The following SLC16A1 variants were observed in gnomAD, a reference collection of about 807,000 sequenced individuals.
The protein encoded by SLC16A1 is solute carrier family 16 member 1, also known as monocarboxylate transporter 1.
SLC16A1 carries 11 observed loss-of-function variants against 32.2 expected under a neutral mutation model. That is an observed-to-expected ratio of 0.34 (90% CI 0.21 to 0.56). The LOEUF is 0.56. Among genes scored for constraint, SLC16A1 ranks in the 20% least tolerant of loss-of-function variants. SLC16A1 has a pLI of 0.87. For missense variants in SLC16A1, 435 were observed against 615.0 expected, an observed-to-expected ratio of 0.71 and a Z score of 3.10; for synonymous variants, 231 against 226.8, an observed-to-expected ratio of 1.02 and a Z score of -0.17.
At position 112,919,011 on chromosome 1, in the gene SLC16A1, T is replaced by TTTATTTA. The variant is rs374042504; in HGVS notation, c.362-968_362-967insTAAATAA. ...CTCCTGAAATGAATGTACTAATTTA[T>TTTATTTA]TTTATTTATTTATTTATTTATTTAT... On this transcript the variant is annotated intron_variant, in intron 3 of 4. Transcript: ENST00000369626. Among the ~76,000 whole-genome samples, 21 of 144,292 alleles carry TTTATTTA rather than the reference T, an allele frequency of 1.5e-4. No individual in the cohort carries two copies. The South Asian group carries it at 1.8e-3, about 12-fold the overall frequency. The allele number at this position is 144,292 out of a possible 152,430, so 94.7% of individuals were successfully genotyped here. A position where few individuals can be genotyped will look rare whatever the true frequency, so the allele number is the denominator to read the frequency against.
intron 1 of SLC16A1, among the ~76,000 whole-genome samples, chr1:112,932,003 C>T (rs563858103): frequency 1.3e-5 from 2 of 152,278 alleles, no homozygotes; most frequent in Admixed American, 6.5e-5. Context: ...ATAACACAAA[C>T]GCTTCTTCAT....
chr1:112,936,839 C>CA (rs1649325497), intron 1 of SLC16A1, among the ~76,000 whole-genome samples: 1 of 152,138 alleles, frequency 6.6e-6, no homozygotes, highest in Non-Finnish European at 1.5e-5. Flanking sequence ...ATAATTCCTT[C>CA]AAAAATATAA....
At chr1:112,914,271 T>TAA (rs1024935817) in intron 4 of SLC16A1, 106 bp from the exon 5 acceptor site, 1 of 1,198,692 alleles carries the variant, frequency 8.3e-7, no homozygotes, top group Admixed American at 1.9e-5. Context: ...ATCCAATCTT[T>TAA]AAAGAGTCCC....
chr1:112,945,817 A>T (rs574830657), intron 1 of SLC16A1, among the ~76,000 whole-genome samples: 1 of 151,146 alleles, frequency 6.6e-6, no homozygotes, highest in African/African-American at 2.4e-5. Context: ...ACATGGAGAA[A>T]CCCCATCTCT....
chr1:112,921,890 AG>A, intron 3 of SLC16A1, 99 bp downstream of exon 3: 2 of 1,400,456 alleles, frequency 1.4e-6, no homozygotes, highest in Non-Finnish European at 2.0e-6. Context: ...CATTTCTATA[AG>A]AAAAGAATTT....
rs1216979726 is a variant in SLC16A1 at position 112,912,381 on chromosome 1, AAAGTC to A, written c.*1505_*1509del. On this transcript the variant is annotated 3_prime_UTR_variant, in exon 5 of 5. Coordinates refer to ENST00000369626, the MANE Select transcript of SLC16A1 (RefSeq NM_003051.4). ...TTTTCTTAAAAAATGTTTATTTGGA[AAAGTC>A]AGCCTCTTACACAAGGTTTTGTATC... The A allele has an allele frequency of 6.6e-6, 1 of 152,236 alleles. No individual in the cohort carries two copies. The highest frequency in any genetic ancestry group is 2.4e-5 in the African/African-American group (1 of 41,464). 9.4% of individuals were successfully genotyped at this position (152,236 alleles called of 1,614,324 possible).
At chr1:112,943,617 G>A (rs1219684180) in intron 1 of SLC16A1, among the ~76,000 whole-genome samples, 3 of 149,126 alleles carry the variant, frequency 2.0e-5, no homozygotes, top group African/African-American at 4.9e-5. Flanking sequence ...GCAAAACCTC[G>A]TCTCTACTAA....
chr1:112,918,093 TAAATAAA>T (rs1440311142), intron 3 of SLC16A1, 49 bp from the exon 4 acceptor site: 11 of 1,064,602 alleles, frequency 1.0e-5, no homozygotes, highest in Non-Finnish European at 1.3e-5. Context: ...AATAAATAAA[TAAATAAA>T]TAATAAGAGG....
At chr1:112,933,953 T>C (rs1282500793) in intron 1 of SLC16A1, among the ~76,000 whole-genome samples, 1 of 152,086 alleles carries the variant, frequency 6.6e-6, no homozygotes, top group Non-Finnish European at 1.5e-5. Context: ...CCAATGTCCA[T>C]CAACAAATGA....
chr1:112,916,001 G>C (rs1648490071), intron 4 of SLC16A1, among the ~76,000 whole-genome samples: 1 of 152,128 alleles, frequency 6.6e-6, no homozygotes, highest in Non-Finnish European at 1.5e-5. Context: ...TTTTAGCCAA[G>C]TTATTTCACC....
At chr1:112,928,942 G>GA (rs1001630022) in intron 2 of SLC16A1, 150 bp downstream of exon 2, 77 of 648,068 alleles carry the variant, frequency 1.2e-4, no homozygotes, top group African/African-American at 1.2e-3. Flanking sequence ...TATCAGGAAT[G>GA]AAAAATGTGA....
chr1:112,948,126 A>G (rs1334271362), intron 1 of SLC16A1, among the ~76,000 whole-genome samples: 2 of 152,180 alleles, frequency 1.3e-5, no homozygotes, highest in African/African-American at 4.8e-5. Context: ...AGGCTAAGGC[A>G]AGAGAATCGC....
Position 112,918,014 on chromosome 1 carries a change from G to A in SLC16A1, c.392C>T (p.Ala131Val). The change falls in exon 4 of 5, where the codon GCT becomes GTT. Residue 131 changes from alanine (A) to valine (V), a missense_variant. Physicochemically the swap from Ala to Val is moderately conservative, Grantham distance 64. Coordinates refer to ENST00000369626, the MANE Select transcript of SLC16A1 (RefSeq NM_003051.4). Reference sequence around the variant, plus strand: ...GAAATACTTGCCAATCATGGTCAGAGCTGGATTCAAGTTGAAGGCAAGCCC... The same window carrying A: ...GAAATACTTGCCAATCATGGTCAGAACTGGATTCAAGTTGAAGGCAAGCCC... ...GLGLAFNLNP[A>V]LTMIGKYFYK... The A allele has an allele frequency of 6.3e-7, 1 of 1,586,038 alleles. No homozygotes were observed.
At position 112,952,942 on chromosome 1, in the gene SLC16A1, A is replaced by G. The variant is rs550003646; in HGVS notation, c.-45+3093T>C. 1.2e-4 allele frequency among the ~76,000 whole-genome samples: 18 copies of G among 152,206 alleles called. No individual in the cohort carries two copies. In the South Asian group the frequency reaches 3.1e-3, roughly 26 times the overall value. Reference sequence around the variant, plus strand: ...GCCAGAAACCTGGGTTATATCCTTAACGTCTCTGACTTTCCCAGTCTCCCA... The same window carrying G: ...GCCAGAAACCTGGGTTATATCCTTAGCGTCTCTGACTTTCCCAGTCTCCCA... On this transcript the variant is annotated intron_variant, in intron 1 of 4. Transcript: ENST00000369626.
chr1:112,913,780 C>G lies in SLC16A1; in HGVS notation c.*111G>C, dbSNP rs1370263270. ...CAATGAACAACTGGTATGATTTCCACACAAATGTCTACTATTTGCATTGAG... is the reference window on the plus strand; with the variant it reads ...CAATGAACAACTGGTATGATTTCCAGACAAATGTCTACTATTTGCATTGAG... On this transcript the variant is annotated 3_prime_UTR_variant, in exon 5 of 5. Transcript: ENST00000369626. 1 of 1,330,668 alleles carries G rather than the reference C, an allele frequency of 7.5e-7. No homozygotes were observed. Among genetic ancestry groups the G allele is most frequent in the Non-Finnish European group, 1.1e-6 (1 of 930,050 alleles). The allele number at this position is 1,330,668 out of a possible 1,614,324, so 82.4% of individuals were successfully genotyped here.
At chr1:112,940,582 G>C (rs1649474234) in intron 1 of SLC16A1, among the ~76,000 whole-genome samples, 1 of 151,984 alleles carries the variant, frequency 6.6e-6, no homozygotes, top group Admixed American at 6.6e-5. Flanking sequence ...CAGCACTACA[G>C]TAAATTCTGA....
At chr1:112,919,882 C>T (rs927457772) in intron 3 of SLC16A1, among the ~76,000 whole-genome samples, 4 of 152,162 alleles carry the variant, frequency 2.6e-5, no homozygotes, top group Admixed American at 6.5e-5. Context: ...CCTGTCACAA[C>T]ACTCAGTTAA....
chr1:112,932,579 G>A (rs534150089), intron 1 of SLC16A1, among the ~76,000 whole-genome samples: 58 of 151,930 alleles, frequency 3.8e-4, no homozygotes, highest in African/African-American at 1.4e-3. Context: ...TGAGGCGGGC[G>A]GATCACAAGG....
At position 112,913,125 on chromosome 1, in the gene SLC16A1, T is replaced by C. The variant is rs1268549526; in HGVS notation, c.*766A>G. 4 of 152,234 alleles carry C rather than the reference T, an allele frequency of 2.6e-5. No homozygotes were observed. Among genetic ancestry groups the C allele is most frequent in the Non-Finnish European group, 5.9e-5 (4 of 68,048 alleles). The allele number at this position is 152,234 out of a possible 1,614,324, so 9.4% of individuals were successfully genotyped here. ...CAGGTGATTTCAAAAAGGGCAGTGA[T>C]CTATAAACACTCAAAATGCATCTTT... On this transcript the variant is annotated 3_prime_UTR_variant, in exon 5 of 5. Coordinates refer to ENST00000369626, the MANE Select transcript of SLC16A1 (RefSeq NM_003051.4).
Sources: gnomAD v4.1 joint callset for allele counts (sites outside exome capture counted in the v4.1 genomes callset) on GRCh38, gnomAD v4.1.1 for gene constraint, MANE v1.5 for transcripts, NCBI Gene and HGNC (gene_info 2026-07-23, HGNC 2026-07-21) for gene names.